Variants in SLC38A6 observed in about 807,000 individuals in gnomAD.
SLC38A6 encodes the protein N system amino acid transporter NAT-1.
In SLC38A6, 73 loss-of-function variants were observed where a neutral mutation model predicts 65.0. The observed-to-expected ratio is 1.12, with a 90% CI of 0.93 to 1.37. SLC38A6 has a LOEUF of 1.37. Ranked by LOEUF, SLC38A6 falls within the 40% of genes most tolerant of loss-of-function variation. The pLI is 0.00. For synonymous variants in SLC38A6, 183 were observed against 178.8 expected, an observed-to-expected ratio of 1.02 and a Z score of -0.19; for missense variants, 561 against 531.1, an observed-to-expected ratio of 1.06 and a Z score of -0.55.
chr14:61,003,213 C>A (rs1014253631), intron 3 of SLC38A6, among the ~76,000 whole-genome samples: 2 of 151,860 alleles, frequency 1.3e-5, no homozygotes. Flanking sequence ...GGAAACCGTT[C>A]CCTGCCAAAA....
At chr14:60,987,300 A>T (rs1201204100) in intron 3 of SLC38A6, 2 of 153,114 alleles carry the variant, frequency 1.3e-5, no homozygotes, top group Non-Finnish European at 2.9e-5. Context: ...CATTGGTAAG[A>T]GAAAGAGCTA....
At chr14:61,029,645 A>G (rs2040826440) in intron 5 of SLC38A6, among the ~76,000 whole-genome samples, 1 of 152,216 alleles carries the variant, frequency 6.6e-6, no homozygotes, top group African/African-American at 2.4e-5. Flanking sequence ...TTGTTTTTAT[A>G]GCTACATCAG....
At chr14:61,080,630 C>T (rs967439023) in intron 16 of SLC38A6, among the ~76,000 whole-genome samples, 5 of 152,202 alleles carry the variant, frequency 3.3e-5, no homozygotes, top group Non-Finnish European at 4.4e-5. Context: ...TTTGTCTCTG[C>T]ATGAAGGCAG....
chr14:60,991,153 C>T (rs534251070), intron 3 of SLC38A6, among the ~76,000 whole-genome samples: 5 of 152,266 alleles, frequency 3.3e-5, no homozygotes, highest in Non-Finnish European at 7.3e-5. Flanking sequence ...TAAGTTAGGT[C>T]ATAGCATTCC....
Position 61,043,172 on chromosome 14 carries a change from C to G in SLC38A6, c.650C>G (p.Pro217Arg), listed in dbSNP as rs747521489. Reference sequence around the variant, plus strand: ...GTAATAATTAAAAAATGGTCCATCCCTTGTCCTCTGACATTAAATTATGTA... The same window carrying G: ...GTAATAATTAAAAAATGGTCCATCCGTTGTCCTCTGACATTAAATTATGTA... ...LVVIIKKWSI[P>R]CPLTLNYVEK... is the part of the protein sequence containing the mutation. The change falls in exon 9 of 16, where the codon CCT (proline) becomes CGT (arginine). Residue 217 changes from proline to arginine, a missense_variant. Transcript: ENST00000267488. 25 of 1,543,646 alleles carry G rather than the reference C, an allele frequency of 1.6e-5. No homozygotes were observed. Among genetic ancestry groups the G allele is most frequent in the Non-Finnish European group, 2.0e-5 (23 of 1,129,654 alleles).
intron 8 of SLC38A6, among the ~76,000 whole-genome samples, chr14:61,037,993 C>G (rs773844583): frequency 6.6e-6 from 1 of 152,096 alleles, no homozygotes; most frequent in Non-Finnish European, 1.5e-5. Context: ...CTGTACCATA[C>G]TGTATGAAGA....
intron 3 of SLC38A6, among the ~76,000 whole-genome samples, chr14:60,994,244 C>G (rs2038108838): frequency 6.6e-6 from 1 of 152,176 alleles, no homozygotes; most frequent in African/African-American, 2.4e-5. Flanking sequence ...GGATATTATT[C>G]AGCACTAAGT....
intron 3 of SLC38A6, among the ~76,000 whole-genome samples, chr14:60,991,872 C>G (rs1334898563): frequency 1.3e-5 from 2 of 152,176 alleles, no homozygotes; most frequent in African/African-American, 4.8e-5. Flanking sequence ...CATCCGTGTT[C>G]TAGAGAGCAG....
At chr14:61,037,185 AAGGG>A in intron 7 of SLC38A6, 44 bp downstream of exon 7, 1 of 1,410,890 alleles carries the variant, frequency 7.1e-7, no homozygotes, top group Non-Finnish European at 9.6e-7. Context: ...AAAAGGAAAG[AAGGG>A]AGGGAGGGAA....
intron 3 of SLC38A6, among the ~76,000 whole-genome samples, chr14:61,015,184 G>A (rs556938431): frequency 1.3e-5 from 2 of 152,236 alleles, no homozygotes; most frequent in African/African-American, 4.8e-5. Context: ...TCCGAGCCAG[G>A]TGCGGGATAT....
intron 15 of SLC38A6, among the ~76,000 whole-genome samples, chr14:61,071,108 A>G (rs1318474915): frequency 6.6e-6 from 1 of 152,200 alleles, no homozygotes; most frequent in Non-Finnish European, 1.5e-5. Context: ...ATCAGTATAC[A>G]CAAAACTCCC....
At chr14:60,986,948 AC>A in intron 3 of SLC38A6, 1 of 263,040 alleles carries the variant, frequency 3.8e-6, no homozygotes, top group Non-Finnish European at 7.5e-6. Flanking sequence ...CATGTATTTA[AC>A]TTTAAGATTC....
In SLC38A6 at chr14:61,019,682, T is replaced by A. The variant is rs1322394186; in HGVS notation, c.403+102T>A. ...ATCTAGCTGGGAACTTCTGTAGACA[T>A]AGCTATCTTCAGAAGCCTGTGTGTT... On this transcript the variant is annotated intron_variant, in intron 5 of 15. Transcript: ENST00000267488. The A allele has an allele frequency of 8.3e-6, 10 of 1,208,404 alleles. No homozygotes were observed. In the East Asian group the frequency reaches 1.9e-4, roughly 23 times the overall value. 74.9% of individuals were successfully genotyped at this position (1,208,404 alleles called of 1,614,324 possible). A position where few individuals can be genotyped will look rare whatever the true frequency, so the allele number is the denominator to read the frequency against.
At chr14:61,045,750 G>C (rs1450013403) in intron 11 of SLC38A6, among the ~76,000 whole-genome samples, 2 of 152,062 alleles carry the variant, frequency 1.3e-5, no homozygotes, top group Non-Finnish European at 2.9e-5. Flanking sequence ...GCCGGACGTG[G>C]TGGCGGGCAC....
At chr14:61,014,837 C>G (rs923579529) in intron 3 of SLC38A6, among the ~76,000 whole-genome samples, 7 of 152,188 alleles carry the variant, frequency 4.6e-5, no homozygotes, top group African/African-American at 1.7e-4. Context: ...GGTCAGGGAC[C>G]CACTTGAGGA....
rs2039979369 is a variant in SLC38A6 at position 61,015,933 on chromosome 14, T to A, written c.340T>A (p.Phe114Ile). 7 of 1,608,602 alleles carry A rather than the reference T, an allele frequency of 4.4e-6. No homozygotes were observed. The highest frequency in any genetic ancestry group is 5.9e-6 in the Non-Finnish European group (7 of 1,178,720). Residue 114 changes from phenylalanine (F) to isoleucine (I), a missense_variant, in exon 4 of 16, where the codon TTT (phenylalanine) becomes ATT (isoleucine). Phe to Ile is a conservative substitution (Grantham distance 21, BLOSUM62 0). Transcript: ENST00000267488. ...AACATCTTATGAAGATCTTGGACTC[T>A]TTGCATTTGGATTACCTGGAAAGGT... ...AVTSYEDLGL[F>I]AFGLPGKLVV...
chr14:61,052,922 A>C (rs2042583798), downstream of SLC38A6: 1 of 153,158 alleles, frequency 6.5e-6, no homozygotes, highest in African/African-American at 2.4e-5. Context: ...GTACATGTGA[A>C]AGCTTGTTAC....
intron 3 of SLC38A6, among the ~76,000 whole-genome samples, chr14:60,995,085 T>C (rs1467318208): frequency 6.6e-6 from 1 of 151,576 alleles, no homozygotes. Context: ...ATGTATACTG[T>C]CAAGTGAAAG....
chr14:61,010,599 A>G (rs904211569), intron 3 of SLC38A6, among the ~76,000 whole-genome samples: 1 of 152,200 alleles, frequency 6.6e-6, no homozygotes, highest in Non-Finnish European at 1.5e-5. Flanking sequence ...CTTTCTACAT[A>G]TGGCTAGCCA....
Sources: gnomAD v4.1 joint callset for allele counts (sites outside exome capture counted in the v4.1 genomes callset) on GRCh38, gnomAD v4.1.1 for gene constraint, MANE v1.5 for transcripts, NCBI Gene and HGNC (gene_info 2026-07-23, HGNC 2026-07-21) for gene names.